ZDHHC2: variants seen among roughly 807,000 people sequenced by gnomAD.
The protein encoded by ZDHHC2 is zDHHC palmitoyltransferase 2, also known as palmitoyltransferase ZDHHC2.
Under a neutral mutation model 55.6 loss-of-function variants are expected in ZDHHC2, and 51 were observed. The ratio of observed to expected loss-of-function variants is 0.92; its 90% CI spans 0.73 to 1.16. The LOEUF is 1.16. Ranked by LOEUF, ZDHHC2 falls within the 50% of genes most tolerant of loss-of-function variation. ZDHHC2 has a pLI of 0.00. For synonymous variants in ZDHHC2, 199 were observed against 152.9 expected (o/e 1.30, Z -2.22); for missense variants, 491 against 442.4 (o/e 1.11, Z -0.99).
chr8:17,211,232 A>G (rs1024484765), intron 10 of ZDHHC2, among the ~76,000 whole-genome samples: 40 of 152,318 alleles, frequency 2.6e-4, no homozygotes, highest in African/African-American at 9.6e-4. Flanking sequence ...AGATTTGAGT[A>G]TAACCATTCC....
At chr8:17,172,526 A>G (rs759138560) in intron 1 of ZDHHC2, among the ~76,000 whole-genome samples, 19 of 152,212 alleles carry the variant, frequency 1.2e-4, no homozygotes, top group Non-Finnish European at 4.4e-5. Context: ...CCACGTGCCT[A>G]TACTCAACCA....
chr8:17,193,998 A>C (rs1219011608), intron 3 of ZDHHC2, among the ~76,000 whole-genome samples: 2 of 152,034 alleles, frequency 1.3e-5, no homozygotes, highest in East Asian at 1.9e-4. Flanking sequence ...ACTCCCACTT[A>C]TGAGTGAGAA....
intron 3 of ZDHHC2, among the ~76,000 whole-genome samples, chr8:17,194,930 T>A (rs542708187): frequency 6.6e-6 from 1 of 152,316 alleles, no homozygotes; most frequent in East Asian, 1.9e-4. Context: ...TATATACATA[T>A]TATTAAACAG....
intron 6 of ZDHHC2, among the ~76,000 whole-genome samples, chr8:17,200,867 T>C (rs1806724251): frequency 1.3e-5 from 2 of 152,086 alleles, no homozygotes; most frequent in Non-Finnish European, 2.9e-5. Context: ...CTGACTGCGG[T>C]ACCTTTTAAC....
intron 1 of ZDHHC2, among the ~76,000 whole-genome samples, chr8:17,159,792 C>G (rs546362610): frequency 1.8e-4 from 27 of 152,264 alleles, no homozygotes; most frequent in African/African-American, 6.0e-4. Context: ...ATCATTTGGA[C>G]CACGTTTATC....
At chr8:17,172,933 T>C (rs1042014283) in intron 1 of ZDHHC2, among the ~76,000 whole-genome samples, 1 of 152,230 alleles carries the variant, frequency 6.6e-6, no homozygotes, top group African/African-American at 2.4e-5. Context: ...ATTCAGGTAG[T>C]GCCCTGAAAT....
intron 1 of ZDHHC2, among the ~76,000 whole-genome samples, chr8:17,175,733 G>C (rs748131867): frequency 6.6e-6 from 1 of 152,184 alleles, no homozygotes; most frequent in African/African-American, 2.4e-5. Flanking sequence ...ACCTCAGTGA[G>C]GGTCATGGAA....
intron 7 of ZDHHC2, among the ~76,000 whole-genome samples, chr8:17,206,769 A>G (rs986112072): frequency 6.6e-6 from 1 of 152,210 alleles, no homozygotes; most frequent in African/African-American, 2.4e-5. Context: ...GTAAAAAAGC[A>G]ATTTATCTGC....
intron 6 of ZDHHC2, among the ~76,000 whole-genome samples, chr8:17,200,473 A>C (rs6983657): frequency 0.022 from 3,413 of 152,278 alleles, 123 homozygotes; most frequent in African/African-American, 0.076. Flanking sequence ...TATTCAGCAG[A>C]GTGGTAGTCA....
At chr8:17,175,082 C>T (rs138426905) in intron 1 of ZDHHC2, among the ~76,000 whole-genome samples, 4 of 152,208 alleles carry the variant, frequency 2.6e-5, no homozygotes, top group Admixed American at 1.3e-4. Context: ...CATTTTCCAT[C>T]GTTCTTTGAT....
In ZDHHC2 at chr8:17,187,052, C is replaced by T. The variant is rs906256296; in HGVS notation, c.252+627C>T. Among the ~76,000 whole-genome samples the T allele has an allele frequency of 3.3e-5, 5 of 152,166 alleles. No individual in the cohort carries two copies. In the East Asian group the frequency reaches 5.8e-4, roughly 18 times the overall value. ...AAGAACACTTTCTAGACATTGCTGA[C>T]GTCATTTCCACTTACATTTAGAAGT... On this transcript the variant is annotated intron_variant, in intron 3 of 12. Coordinates refer to ENST00000262096, the MANE Select transcript of ZDHHC2 (RefSeq NM_016353.5).
chr8:17,207,032 T>C (rs924022471), intron 7 of ZDHHC2, among the ~76,000 whole-genome samples: 1 of 152,332 alleles, frequency 6.6e-6, no homozygotes, highest in East Asian at 1.9e-4. Flanking sequence ...ATTACCTCAC[T>C]GCTCCTCCTT....
chr8:17,195,375 C>G (rs768916747), intron 3 of ZDHHC2, 129 bp from the exon 4 acceptor site: 38 of 1,110,496 alleles, frequency 3.4e-5, no homozygotes, highest in Non-Finnish European at 4.4e-5. Flanking sequence ...GTTTCAAACT[C>G]TATTGTCTCT....
chr8:17,171,539 G>A (rs1216987404), intron 1 of ZDHHC2, among the ~76,000 whole-genome samples: 1 of 152,076 alleles, frequency 6.6e-6, no homozygotes, highest in African/African-American at 2.4e-5. Flanking sequence ...TAGATTGAAA[G>A]ACCGACACAT....
At position 17,223,435 on chromosome 8, in the gene ZDHHC2, A is replaced by C. The variant is rs1046221555; in HGVS notation, c.*3214A>C. 2.0e-5 allele frequency: 3 copies of C among 151,928 alleles called. No homozygotes were observed. Among genetic ancestry groups the C allele is most frequent in the African/African-American group, 7.2e-5 (3 of 41,458 alleles). The allele number at this position is 151,928 out of a possible 1,614,324, so 9.4% of individuals were successfully genotyped here. A position where few individuals can be genotyped will look rare whatever the true frequency, so the allele number is the denominator to read the frequency against. On this transcript the variant is annotated 3_prime_UTR_variant, in exon 13 of 13. Transcript: ENST00000262096. The stretch of plus-strand genomic sequence containing the variant: ...GATTTTTCACAAATAACACGTGTTT[A>C]ATATCTTTCTGCAGAAACGTGTTCT...
At chr8:17,182,905 C>T (rs745392129) in intron 1 of ZDHHC2, among the ~76,000 whole-genome samples, 14 of 152,076 alleles carry the variant, frequency 9.2e-5, no homozygotes, top group East Asian at 7.7e-4. Flanking sequence ...GGATTACAGG[C>T]GCGTGTCACC....
chr8:17,172,696 G>A (rs1005068769), intron 1 of ZDHHC2, among the ~76,000 whole-genome samples: 1 of 152,170 alleles, frequency 6.6e-6, no homozygotes, highest in Non-Finnish European at 1.5e-5. Flanking sequence ...TCCATATTCT[G>A]TCTCTCTTAA....
chr8:17,205,821 A>G (rs761348240), intron 7 of ZDHHC2, 46 bp downstream of exon 7: 2 of 1,540,774 alleles, frequency 1.3e-6, no homozygotes, highest in South Asian at 2.5e-5. Flanking sequence ...ACAATAATAG[A>G]TAATATAGGC....
At chr8:17,213,165 C>T (rs899691956) in intron 10 of ZDHHC2, among the ~76,000 whole-genome samples, 4 of 152,038 alleles carry the variant, frequency 2.6e-5, no homozygotes, top group East Asian at 1.9e-4. Context: ...ATATTCTGTT[C>T]GGGCGTAACT....
Sources: gnomAD v4.1 joint callset for allele counts (sites outside exome capture counted in the v4.1 genomes callset) on GRCh38, gnomAD v4.1.1 for gene constraint, MANE v1.5 for transcripts, NCBI Gene and HGNC (gene_info 2026-07-23, HGNC 2026-07-21) for gene names.